Variants in GPX2 observed in about 807,000 individuals in gnomAD.
The protein encoded by GPX2 is glutathione peroxidase 2.
GPX2 carries 21 observed loss-of-function variants against 14.1 expected under a neutral mutation model. The observed-to-expected ratio is 1.48, with a 90% CI of 1.05 to 2.14. The LOEUF (loss-of-function observed/expected upper bound fraction) is 2.14. GPX2 is among the 30% of genes most tolerant of loss of function. GPX2 has a pLI of 0.00. For missense variants in GPX2, 241 were observed against 249.8 expected, an observed-to-expected ratio of 0.96 and a Z score of 0.24; for synonymous variants, 94 against 95.2, an observed-to-expected ratio of 0.99 and a Z score of 0.07.
chr14:64,939,956 A>G lies in GPX2; in HGVS notation c.223-118T>C. On this transcript the variant is annotated intron_variant, in intron 1 of 1. Transcript: ENST00000389614. The surrounding 1 kb of genome is among the most constrained non-coding windows in gnomAD (Gnocchi z 5.7). Reference sequence around the variant, plus strand: ...CCCAGGGTCATTCTTTTTCACTGTGAAAGAGAGAGAGACAAGACAGACGAG... The same window carrying G: ...CCCAGGGTCATTCTTTTTCACTGTGGAAGAGAGAGAGACAAGACAGACGAG... The G allele has an allele frequency of 6.8e-7, 1 of 1,462,782 alleles. No individual in the cohort carries two copies. Among genetic ancestry groups the G allele is most frequent in the Non-Finnish European group, 9.0e-7 (1 of 1,116,920 alleles). The allele number at this position is 1,462,782 out of a possible 1,614,324, so 90.6% of individuals were successfully genotyped here.
At chr14:64,941,586 C>T (rs1402810179) in intron 1 of GPX2, 1 of 1,246,038 alleles carries the variant, frequency 8.0e-7, no homozygotes, top group African/African-American at 1.5e-5. Flanking sequence ...ACAGTTTGGG[C>T]TCAGGTTTGT....
chr14:64,942,733 GCGCAGAGTGAGCCC>G, exon 1 of GPX2: 3 of 1,610,290 alleles, frequency 1.9e-6, no homozygotes, highest in Non-Finnish European at 2.5e-6. Flanking sequence ...CCATGGTGAA[GCGCAGAGTGAGCCC>G]CGCAGAGAGG....
chr14:64,941,416 T>G, intron 1 of GPX2: 1 of 1,287,418 alleles, frequency 7.8e-7, no homozygotes, highest in South Asian at 1.2e-5. Flanking sequence ...TGGTAGGTTA[T>G]AGACTCCCTC....
chr14:64,939,982 G>C lies in GPX2; in HGVS notation c.223-144C>G. On this transcript the variant is annotated intron_variant, in intron 1 of 1. Coordinates refer to ENST00000389614, the MANE Select transcript of GPX2 (RefSeq NM_002083.4). This position sits in a 1 kb window ranked among gnomAD's most constrained non-coding sequence, Gnocchi z 5.7. ...AAGAGAGAGAGACAAGACAGACGAG[G>C]TGTTGCTCACTGCAGCCTTGAACTT... 1 of 1,471,046 alleles carries C rather than the reference G, an allele frequency of 6.8e-7. No individual in the cohort carries two copies. Among genetic ancestry groups the C allele is most frequent in the Non-Finnish European group, 8.9e-7 (1 of 1,120,378 alleles). The allele number at this position is 1,471,046 out of a possible 1,614,324, so 91.1% of individuals were successfully genotyped here.
At chr14:64,941,239 G>T in intron 1 of GPX2, 1 of 587,158 alleles carries the variant, frequency 1.7e-6, no homozygotes, top group African/African-American at 2.1e-5. Flanking sequence ...GCTAATTTTT[G>T]CAATTTTTTG....
At chr14:64,941,980 C>T (rs1039802720) in intron 1 of GPX2, among the ~76,000 whole-genome samples, 4 of 152,192 alleles carry the variant, frequency 2.6e-5, no homozygotes. Context: ...TTTTGTATAT[C>T]CTGTCCCCTA....
At position 64,942,551 on chromosome 14, in the gene GPX2, C is replaced by T. The variant is rs1566837464; in HGVS notation, c.176G>A (p.Arg59Lys). The change falls in exon 1 of 2, where the codon AGG (arginine) becomes AAG (lysine). Residue 59 changes from arginine (R) to lysine (K), a missense_variant. Physicochemically the swap from Arg to Lys is conservative, Grantham distance 26 (BLOSUM62 2). Transcript: ENST00000389614. ...QLNELQCRFP[R>K]RLVVLGFPCN... ...AGGGAAGCCAAGGACCACCAGGCGC[C>T]TGGGAAAGCGGCATTGCAGCTCGTT... 3 of 1,614,238 alleles carry T rather than the reference C, an allele frequency of 1.9e-6. No individual in the cohort carries two copies. The highest frequency in any genetic ancestry group is 1.1e-5 in the South Asian group (1 of 91,092).
chr14:64,941,182 TC>T, intron 1 of GPX2: 1 of 271,336 alleles, frequency 3.7e-6, no homozygotes, highest in South Asian at 3.3e-5. Flanking sequence ...TCCTGCTACT[TC>T]AGCGTCCCAA....
intron 1 of GPX2, among the ~76,000 whole-genome samples, chr14:64,941,837 C>T (rs927081676): frequency 9.2e-5 from 14 of 152,182 alleles, no homozygotes; most frequent in African/African-American, 3.4e-4. Flanking sequence ...CCCAGAGGCA[C>T]GTGCCTTTTG....
Position 64,939,685 on chromosome 14 carries a change from G to A in GPX2, c.376C>T (p.Pro126Ser). Residue 126 changes from proline (P) to serine (S), a missense_variant, in exon 2 of 2, where the codon CCT (proline) becomes TCT (serine). Physicochemically the swap from Pro to Ser is moderately conservative, Grantham distance 74. Coordinates refer to ENST00000389614, the MANE Select transcript of GPX2 (RefSeq NM_002083.4). The surrounding 1 kb of genome is among the most constrained non-coding windows in gnomAD (Gnocchi z 5.7). ...FAYLKDKLPY[P>S]YDDPFSLMTD... ...ATGAGGGAAAATGGGTCATCATAAGGGTAGGGGAGCTTGTCCTTCAGGTAG... is the reference window on the plus strand; with the variant it reads ...ATGAGGGAAAATGGGTCATCATAAGAGTAGGGGAGCTTGTCCTTCAGGTAG... The A allele has an allele frequency of 6.2e-7, 1 of 1,614,102 alleles. No individual in the cohort carries two copies. Among genetic ancestry groups the A allele is most frequent in the African/African-American group, 1.3e-5 (1 of 75,018 alleles).
Position 64,942,697 on chromosome 14 carries a change from G to C in GPX2, c.30C>G (p.Asp10Glu), listed in dbSNP as rs748928406. 5.6e-6 allele frequency: 9 copies of C among 1,614,020 alleles called. No homozygotes were observed. The highest frequency in any genetic ancestry group is 7.6e-6 in the Non-Finnish European group (9 of 1,180,004). MAFIAKSFY[D>E]LSAISLDGEK... ...CCCCATCCAGGCTGATGGCACTGAGGTCATAGAAGGACTTGGCAATGAAAG... is the reference window on the plus strand; with the variant it reads ...CCCCATCCAGGCTGATGGCACTGAGCTCATAGAAGGACTTGGCAATGAAAG... Residue 10 changes from aspartate to glutamate, a missense_variant, in exon 1 of 2, where the codon GAC becomes GAG. Asp to Glu is a conservative substitution (Grantham distance 45). Coordinates refer to ENST00000389614, the MANE Select transcript of GPX2 (RefSeq NM_002083.4).
At chr14:64,941,311 G>T in intron 1 of GPX2, 1 of 1,104,600 alleles carries the variant, frequency 9.1e-7, no homozygotes, top group Non-Finnish European at 1.1e-6. Context: ...CAAGCAATCT[G>T]CCTACCTTAG....
Position 64,939,596 on chromosome 14 carries a change from C to A in GPX2, c.465G>T (p.Glu155Asp). 1.9e-6 allele frequency: 3 copies of A among 1,614,124 alleles called. No individual in the cohort carries two copies. The highest frequency in any genetic ancestry group is 2.5e-6 in the Non-Finnish European group (3 of 1,179,996). ...VRRSDVAWNF[E>D]KFLIGPEGEP... ...CTCCCTCCGGCCCTATGAGGAACTT[C>A]TCAAAGTTCCAGGCCACATCTGAGC... Residue 155 changes from glutamate (E) to aspartate (D), a missense_variant, in exon 2 of 2, where the codon GAG (glutamate) becomes GAT (aspartate). Transcript: ENST00000389614. This position sits in a 1 kb window ranked among gnomAD's most constrained non-coding sequence, Gnocchi z 5.7.
rs990040086 is a variant in GPX2 at position 64,940,140 on chromosome 14, T to C, written c.223-302A>G. ...ACTTTGTTGCCCATGCTTTGGCTGC[T>C]CTTCAAGATTTAGCACTTCTGAGCT... On this transcript the variant is annotated intron_variant, in intron 1 of 1. Transcript: ENST00000389614. The surrounding 1 kb of genome is among the most constrained non-coding windows in gnomAD (Gnocchi z 4.5). 7.3e-7 allele frequency: 1 copy of C among 1,371,668 alleles called. No homozygotes were observed. Among genetic ancestry groups the C allele is most frequent in the Admixed American group, 2.2e-5 (1 of 45,884 alleles). 85.0% of individuals were successfully genotyped at this position (1,371,668 alleles called of 1,614,324 possible).
chr14:64,941,944 A>G (rs1233186082), intron 1 of GPX2, among the ~76,000 whole-genome samples: 1 of 152,242 alleles, frequency 6.6e-6, no homozygotes, highest in Non-Finnish European at 1.5e-5. Flanking sequence ...TTGCATTTGC[A>G]TAGTACTTTA....
Sources: allele counts gnomAD v4.1 joint callset (sites outside exome capture counted in the v4.1 genomes callset), GRCh38; gene constraint gnomAD v4.1.1; non-coding constraint Gnocchi (gnomAD v3.1); transcripts MANE v1.5; gene names NCBI Gene and HGNC (gene_info 2026-07-23, HGNC 2026-07-21).